Variants in FIRRM observed in about 807,000 individuals in gnomAD.
FIRRM encodes the protein FIGNL1-interacting regulator of recombination and mitosis.
chr1:169,838,046 T>G, the FIRRM span, among the ~76,000 whole-genome samples: 1 of 152,158 alleles, frequency 6.6e-6, no homozygotes, highest in Non-Finnish European at 1.5e-5. Flanking sequence ...CAGGCAATTC[T>G]CCTGCCTCAG....
At chr1:169,792,645 T>C in the FIRRM span, 2 of 1,609,442 alleles carry the variant, frequency 1.2e-6, no homozygotes, top group East Asian at 4.5e-5. Flanking sequence ...ATTTTGAGTA[T>C]TCTGGTCTTA....
chr1:169,824,884 C>T, the FIRRM span, among the ~76,000 whole-genome samples: 72,232 of 151,952 alleles, frequency 0.48, 17,513 homozygotes, highest in Middle Eastern at 0.59. Flanking sequence ...TTTATGTCTC[C>T]TTTAATGTTT....
At chr1:169,811,150 G>T in the FIRRM span, among the ~76,000 whole-genome samples, 1 of 152,052 alleles carries the variant, frequency 6.6e-6, no homozygotes, top group Non-Finnish European at 1.5e-5. Flanking sequence ...GTGAGCCACC[G>T]CGCCCGGCCT....
chr1:169,808,608 G>GTTTT, the FIRRM span, among the ~76,000 whole-genome samples: 4 of 142,390 alleles, frequency 2.8e-5, no homozygotes, highest in Admixed American at 2.1e-4. Context: ...TATGTCATTT[G>GTTTT]TTTTTTTTTT....
At chr1:169,798,960 TA>T in the FIRRM span, 1 of 1,252,214 alleles carries the variant, frequency 8.0e-7, no homozygotes, top group Admixed American at 2.1e-5. Context: ...AGCATATTCG[TA>T]AGTAAAATTG....
At chr1:169,837,079 C>A in the FIRRM span, 11 of 1,596,646 alleles carry the variant, frequency 6.9e-6, no homozygotes, top group African/African-American at 1.4e-4. Flanking sequence ...AATGGCTGAG[C>A]AGGAGTCGTA....
the FIRRM span, among the ~76,000 whole-genome samples, chr1:169,805,578 A>G: frequency 1.3e-5 from 2 of 152,228 alleles, no homozygotes; most frequent in Non-Finnish European, 1.5e-5. Flanking sequence ...GGCCATTTTT[A>G]TAAATAATCT....
At chr1:169,847,170 A>G in the FIRRM span, among the ~76,000 whole-genome samples, 1 of 152,158 alleles carries the variant, frequency 6.6e-6, no homozygotes, top group Non-Finnish European at 1.5e-5. Context: ...AAGATCACAA[A>G]TCAGCGTAAT....
the FIRRM span, among the ~76,000 whole-genome samples, chr1:169,846,484 T>C: frequency 1.3e-5 from 2 of 152,190 alleles, no homozygotes. Context: ...TCCTCTACAT[T>C]AAAAATATAT....
At chr1:169,834,830 A>G in the FIRRM span, among the ~76,000 whole-genome samples, 7 of 152,294 alleles carry the variant, frequency 4.6e-5, no homozygotes, top group Non-Finnish European at 8.8e-5. Flanking sequence ...AGGAACATAA[A>G]ATCTAGTAGA....
the FIRRM span, among the ~76,000 whole-genome samples, chr1:169,809,850 A>G: frequency 1.6e-4 from 24 of 152,328 alleles, 1 homozygote; most frequent in Admixed American, 1.6e-3. Context: ...CAATCAAAGT[A>G]AAGTATTGAA....
the FIRRM span, among the ~76,000 whole-genome samples, chr1:169,827,363 C>A: frequency 6.6e-6 from 1 of 152,130 alleles, no homozygotes; most frequent in Non-Finnish European, 1.5e-5. Flanking sequence ...CCTGGCTGGG[C>A]ACAGTGAATC....
the FIRRM span, among the ~76,000 whole-genome samples, chr1:169,823,108 G>A: frequency 1.3e-5 from 2 of 151,898 alleles, no homozygotes; most frequent in Admixed American, 6.6e-5. Context: ...AAAATTAGCC[G>A]GGCATGGTGG....
chr1:169,821,813 A>G, the FIRRM span: 3 of 1,204,018 alleles, frequency 2.5e-6, no homozygotes, highest in African/African-American at 1.5e-5. Flanking sequence ...CAGAAAACGA[A>G]TTATTATCCC....
At chr1:169,828,337 G>C in the FIRRM span, among the ~76,000 whole-genome samples, 1 of 152,124 alleles carries the variant, frequency 6.6e-6, no homozygotes, top group African/African-American at 2.4e-5. Context: ...CTGGCTCTGA[G>C]CTTCCTATTC....
chr1:169,830,593 T>G, the FIRRM span: 2 of 1,157,072 alleles, frequency 1.7e-6, no homozygotes, highest in Non-Finnish European at 1.3e-6. Context: ...ATAATGGCAG[T>G]TTTTAATGTC....
At chr1:169,811,746 T>A in the FIRRM span, among the ~76,000 whole-genome samples, 10 of 147,146 alleles carry the variant, frequency 6.8e-5, no homozygotes, top group Admixed American at 6.8e-4. Flanking sequence ...ATAGACAGAT[T>A]ATCTAAATAG....
chr1:169,809,502 A>G, the FIRRM span, among the ~76,000 whole-genome samples: 5 of 152,330 alleles, frequency 3.3e-5, no homozygotes, highest in African/African-American at 1.2e-4. Context: ...TTAAACAGAG[A>G]TACTTGGACC....
chr1:169,795,722 T>C, the FIRRM span: 6 of 985,398 alleles, frequency 6.1e-6, no homozygotes, highest in African/African-American at 1.7e-5. Context: ...GTGTGAAATC[T>C]TTAAAAGATG....
Sources: gnomAD v4.1 joint callset for allele counts (sites outside exome capture counted in the v4.1 genomes callset) on GRCh38, gnomAD v4.1.1 for gene constraint, MANE v1.5 for transcripts, NCBI Gene and HGNC (gene_info 2026-07-23, HGNC 2026-07-21) for gene names.